Variants in DLD observed in about 807,000 individuals in gnomAD.
DLD encodes the protein dihydrolipoyl dehydrogenase, mitochondrial.
Under a neutral mutation model 62.2 loss-of-function variants are expected in DLD, and 36 were observed. The observed-to-expected ratio is 0.58, with a 90% CI of 0.44 to 0.76. DLD has a LOEUF of 0.76. DLD is among the 30% of genes least tolerant of loss of function. DLD has a pLI of 0.00. For synonymous variants in DLD, 204 were observed against 199.6 expected, an observed-to-expected ratio of 1.02 and a Z score of -0.19; for missense variants, 541 against 608.6, an observed-to-expected ratio of 0.89 and a Z score of 1.17.
chr7:107,899,908 C>T (rs1421182796), intron 2 of DLD, among the ~76,000 whole-genome samples: 1 of 151,836 alleles, frequency 6.6e-6, no homozygotes, highest in Non-Finnish European at 1.5e-5. Context: ...CTTGTATTTA[C>T]ATTACTCTGA....
chr7:107,901,074 A>G (rs796931001), intron 2 of DLD, among the ~76,000 whole-genome samples: 7 of 152,124 alleles, frequency 4.6e-5, no homozygotes, highest in African/African-American at 1.7e-4. Flanking sequence ...TGGTTAGCCT[A>G]TTATCTTAAG....
intron 9 of DLD, among the ~76,000 whole-genome samples, chr7:107,916,142 AAAGAT>A (rs1193793024): frequency 9.2e-5 from 14 of 152,192 alleles, no homozygotes; most frequent in Non-Finnish European, 5.9e-5. Context: ...ACTTTTACTC[AAAGAT>A]AAGAAGCTGA....
intron 2 of DLD, among the ~76,000 whole-genome samples, chr7:107,897,004 T>C (rs910553037): frequency 1.3e-5 from 2 of 152,006 alleles, no homozygotes; most frequent in African/African-American, 2.4e-5. Context: ...CCGGCTAATT[T>C]TTGTATTTTT....
Position 107,919,114 on chromosome 7 carries a change from C to A in DLD, c.1464+15C>A. 1.2e-6 allele frequency: 2 copies of A among 1,612,192 alleles called. No individual in the cohort carries two copies. Among genetic ancestry groups the A allele is most frequent in the Non-Finnish European group, 1.7e-6 (2 of 1,178,322 alleles). ...ATGCACATCCGGTAATTATTAACAA[C>A]ATATAGAATTGATGGTTGCCTAAAT... is the stretch of plus-strand genomic sequence containing the variant. On this transcript the variant is annotated intron_variant, in intron 13 of 13. Transcript: ENST00000205402.
chr7:107,917,111 A>G, intron 10 of DLD, 147 bp downstream of exon 10: 1 of 1,213,784 alleles, frequency 8.2e-7, no homozygotes, highest in South Asian at 1.3e-5. Context: ...AAATAACTGA[A>G]TTTTACTCAA....
At position 107,904,520 on chromosome 7, in the gene DLD, A is replaced by G. The variant is rs548816986; in HGVS notation, c.338-438A>G. On this transcript the variant is annotated intron_variant, in intron 5 of 13. Transcript: ENST00000205402. ...TGAGTGATTAAAACCTAGGTGATTA[A>G]ACTTTTTAATGTTAAGCTTCTGTAT... The G allele has an allele frequency of 4.0e-4, 146 of 361,270 alleles. 1 individual carries two copies. The highest frequency in any genetic ancestry group is 3.2e-3 in the South Asian group (142 of 45,070). 22.4% of individuals were successfully genotyped at this position (361,270 alleles called of 1,614,324 possible). A position where few individuals can be genotyped will look rare whatever the true frequency, so the allele number is the denominator to read the frequency against.
rs1193981773 is a variant in DLD, at chr7:107,893,248, G to A, written c.88G>A (p.Val30Met). 6.2e-7 allele frequency: 1 copy of A among 1,613,376 alleles called. No homozygotes were observed. Among genetic ancestry groups the A allele is most frequent in the Admixed American group, 1.7e-5 (1 of 59,910 alleles). The change falls in exon 2 of 14, where the codon GTG becomes ATG. Residue 30 changes from valine (V) to methionine (M), a missense_variant. By Grantham distance (21) the Val-to-Met change is conservative (BLOSUM62 1). Coordinates refer to ENST00000205402, the MANE Select transcript of DLD (RefSeq NM_000108.5). ...TCATGGCCTACAGGGACTTTCTGCAGTGCCTCTGAGAACTTACGCAGATCA... is the reference window on the plus strand; with the variant it reads ...TCATGGCCTACAGGGACTTTCTGCAATGCCTCTGAGAACTTACGCAGATCA... Reference protein sequence around the residue: ...ISHGLQGLSAVPLRTYADQPI... With the variant: ...ISHGLQGLSAMPLRTYADQPI...
chr7:107,891,555 C>A, intron 1 of DLD: 1 of 592,520 alleles, frequency 1.7e-6, no homozygotes, highest in Admixed American at 3.0e-5. Flanking sequence ...CATGCCACAC[C>A]CCCAAGCCTG....
intron 2 of DLD, among the ~76,000 whole-genome samples, chr7:107,899,044 T>G (rs756380608): frequency 1.3e-5 from 2 of 152,188 alleles, no homozygotes; most frequent in Non-Finnish European, 2.9e-5. Context: ...TTATAAGCAT[T>G]TAGAAAATTA....
rs559880901 is a variant in DLD, at chr7:107,891,256, G to A, written c.6G>A (p.Gln2=). The change falls in exon 1 of 14, where the codon CAG becomes CAA. Residue 2 remains glutamine (Q), a synonymous_variant. Transcript: ENST00000205402. ...AAGGAAAATACAGCGGAAAAATGCA[G>A]AGCTGGAGTCGTGTGTACTGCTCCT... M[Q]SWSRVYCSLA... 1 of 1,614,160 alleles carries A rather than the reference G, an allele frequency of 6.2e-7. No homozygotes were observed. The highest frequency in any genetic ancestry group is 1.1e-5 in the South Asian group (1 of 91,088).
At chr7:107,915,426 C>A in intron 8 of DLD, 80 bp from the exon 9 acceptor site, 2 of 1,471,224 alleles carry the variant, frequency 1.4e-6, no homozygotes, top group Non-Finnish European at 1.9e-6. Flanking sequence ...AAATGTTTTA[C>A]AATAAATTAT....
intron 2 of DLD, among the ~76,000 whole-genome samples, chr7:107,900,739 G>A (rs184620986): frequency 6.6e-6 from 1 of 152,200 alleles, no homozygotes; most frequent in East Asian, 1.9e-4. Context: ...TCTGTGAAAT[G>A]TCTTATTTAT....
chr7:107,912,991 G>A (rs932353676), intron 8 of DLD, among the ~76,000 whole-genome samples: 1 of 152,072 alleles, frequency 6.6e-6, no homozygotes, highest in African/African-American at 2.4e-5. Flanking sequence ...TAAGAGATAG[G>A]GGTCTAGTTT....
chr7:107,909,842 T>A (rs1226130851), intron 8 of DLD, among the ~76,000 whole-genome samples: 2 of 50,664 alleles, frequency 3.9e-5, no homozygotes, highest in African/African-American at 2.3e-4. Context: ...GAATTAACTT[T>A]TTTTTTTTTT....
chr7:107,891,180 G>C, upstream of DLD: 1 of 1,584,972 alleles, frequency 6.3e-7, no homozygotes, highest in East Asian at 2.2e-5. Context: ...AGGGAGGGGA[G>C]ACCTTGGCGG....
At chr7:107,898,809 C>G (rs1037367043) in intron 2 of DLD, among the ~76,000 whole-genome samples, 2 of 145,380 alleles carry the variant, frequency 1.4e-5, no homozygotes, top group East Asian at 4.2e-4. Context: ...CTCCTGACCT[C>G]GTGATCCGCC....
At chr7:107,894,974 G>A (rs939317958) in intron 2 of DLD, among the ~76,000 whole-genome samples, 2 of 152,194 alleles carry the variant, frequency 1.3e-5, no homozygotes, top group African/African-American at 2.4e-5. Context: ...TGATACAGTA[G>A]GTAATCAGTA....
chr7:107,899,374 A>G (rs2031818000), intron 2 of DLD, among the ~76,000 whole-genome samples: 1 of 151,446 alleles, frequency 6.6e-6, no homozygotes, highest in Non-Finnish European at 1.5e-5. Context: ...GTTTAAAAAA[A>G]AACACCTAAG....
chr7:107,904,656 C>A (rs2031959333), intron 5 of DLD: 1 of 495,022 alleles, frequency 2.0e-6, no homozygotes, highest in East Asian at 5.6e-5. Context: ...ACTTACATAT[C>A]TTCCAGACTT....
Sources: allele counts gnomAD v4.1 joint callset (sites outside exome capture counted in the v4.1 genomes callset), GRCh38; gene constraint gnomAD v4.1.1; transcripts MANE v1.5; gene names NCBI Gene and HGNC (gene_info 2026-07-23, HGNC 2026-07-21).